Variants in DLGAP2 observed in about 807,000 individuals in gnomAD.
DLGAP2 encodes the protein disks large-associated protein 2.
In DLGAP2, 26 loss-of-function variants were observed where a neutral mutation model predicts 100.3. The ratio of observed to expected loss-of-function variants is 0.26; its 90% CI spans 0.19 to 0.36. The LOEUF is 0.36. Ranked by LOEUF, DLGAP2 falls within the 10% of genes least tolerant of loss-of-function variation. The probability of loss-of-function intolerance (pLI) is 1.00; values close to 1 mark genes in which losing one functional copy is unlikely to be tolerated. For synonymous variants in DLGAP2, 886 were observed against 630.1 expected (o/e 1.41, Z -6.08); for missense variants, 1,858 against 1,453.2 (o/e 1.28, Z -4.53).
chr8:1,086,636 G>C (rs1255341644), intron 2 of DLGAP2, among the ~76,000 whole-genome samples: 2 of 152,102 alleles, frequency 1.3e-5, no homozygotes, highest in African/African-American at 2.4e-5. Context: ...TAGACTTAAA[G>C]TCAAAAGCTG....
chr8:1,432,274 G>C (rs544006271), intron 3 of DLGAP2, among the ~76,000 whole-genome samples: 1 of 152,202 alleles, frequency 6.6e-6, no homozygotes, highest in Non-Finnish European at 1.5e-5. Context: ...GATTGGCTTT[G>C]CTTCCTCTAC....
chr8:1,410,529 G>A (rs1338121216), intron 3 of DLGAP2, among the ~76,000 whole-genome samples: 1 of 152,232 alleles, frequency 6.6e-6, no homozygotes, highest in Non-Finnish European at 1.5e-5. Flanking sequence ...CCATCTGCAG[G>A]CTACTGCATT....
At chr8:1,197,108 C>G (rs1218254265) in intron 2 of DLGAP2, among the ~76,000 whole-genome samples, 2 of 152,122 alleles carry the variant, frequency 1.3e-5, no homozygotes, top group Admixed American at 6.5e-5. Flanking sequence ...TTCCTGGGCC[C>G]TCAGTGGATT....
intron 5 of DLGAP2, among the ~76,000 whole-genome samples, chr8:1,554,490 C>T (rs998669175): frequency 1.3e-5 from 2 of 152,080 alleles, no homozygotes; most frequent in African/African-American, 4.8e-5. Context: ...GGTGACCCCT[C>T]CCTGCTGGTT....
intron 2 of DLGAP2, among the ~76,000 whole-genome samples, chr8:1,252,947 T>C (rs539926096): frequency 1.3e-5 from 2 of 152,294 alleles, no homozygotes; most frequent in African/African-American, 4.8e-5. Flanking sequence ...AGGCAACAAA[T>C]TAGTGCAATT....
chr8:889,724 G>A (rs933591321), intron 1 of DLGAP2, among the ~76,000 whole-genome samples: 14 of 152,218 alleles, frequency 9.2e-5, no homozygotes, highest in African/African-American at 3.4e-4. Context: ...CCCAGTGCTG[G>A]CTGCTGCCCC....
At chr8:1,456,391 CTA>C (rs1798313009) in intron 3 of DLGAP2, among the ~76,000 whole-genome samples, 2 of 152,166 alleles carry the variant, frequency 1.3e-5, no homozygotes, top group Admixed American at 6.5e-5. Flanking sequence ...TGCCGTGTAT[CTA>C]AACATCAAAG....
chr8:1,521,967 A>T (rs1445513867), intron 4 of DLGAP2, among the ~76,000 whole-genome samples: 1 of 138,544 alleles, frequency 7.2e-6, no homozygotes, highest in Non-Finnish European at 1.5e-5. Flanking sequence ...GGCAGCTGAT[A>T]TGGGGCGTCT....
At chr8:1,175,360 TAA>T (rs1401586682) in intron 2 of DLGAP2, among the ~76,000 whole-genome samples, 2 of 152,196 alleles carry the variant, frequency 1.3e-5, no homozygotes, top group East Asian at 3.9e-4. Flanking sequence ...ACATCTAATC[TAA>T]AAGAGTCCAG....
chr8:924,176 A>G (rs1404989203), intron 2 of DLGAP2, among the ~76,000 whole-genome samples: 1 of 152,342 alleles, frequency 6.6e-6, no homozygotes, highest in African/African-American at 2.4e-5. Context: ...TGGGAGCAAC[A>G]CCAGCTACGT....
intron 2 of DLGAP2, among the ~76,000 whole-genome samples, chr8:1,171,508 G>A (rs1761779344): frequency 2.0e-5 from 3 of 151,792 alleles, no homozygotes; most frequent in Admixed American, 6.6e-5. Flanking sequence ...TTATTAATGT[G>A]TGGGAGTCTA....
chr8:1,254,154 CA>C (rs1298830983), intron 2 of DLGAP2, among the ~76,000 whole-genome samples: 1 of 152,174 alleles, frequency 6.6e-6, no homozygotes, highest in Non-Finnish European at 1.5e-5. Context: ...GAGGGCTGGT[CA>C]CAGATCCCAC....
At chr8:1,155,058 G>T (rs943444779) in intron 2 of DLGAP2, among the ~76,000 whole-genome samples, 6 of 152,174 alleles carry the variant, frequency 3.9e-5, no homozygotes, top group Non-Finnish European at 8.8e-5. Flanking sequence ...CTGGGCACCA[G>T]CACCTCTCAC....
At chr8:1,287,697 G>A (rs1799971256) in intron 3 of DLGAP2, among the ~76,000 whole-genome samples, 1 of 20,880 alleles carries the variant, frequency 4.8e-5, no homozygotes, top group Non-Finnish European at 8.6e-5. Context: ...TCGGTTCAGT[G>A]TGTGTGTGTG....
intron 12 of DLGAP2, among the ~76,000 whole-genome samples, chr8:1,681,420 C>T (rs1247178738): frequency 1.3e-5 from 2 of 152,116 alleles, no homozygotes; most frequent in African/African-American, 4.8e-5. Flanking sequence ...ACTGCTTGTG[C>T]CCAGGAGTTT....
At chr8:1,387,033 T>C (rs1170245843) in intron 3 of DLGAP2, among the ~76,000 whole-genome samples, 4 of 152,200 alleles carry the variant, frequency 2.6e-5, no homozygotes, top group African/African-American at 9.7e-5. Flanking sequence ...TTGGACGTCA[T>C]ATTGGTAAGC....
chr8:1,287,258 A>G (rs115268528), intron 3 of DLGAP2, among the ~76,000 whole-genome samples: 35 of 81,628 alleles, frequency 4.3e-4, no homozygotes, highest in East Asian at 2.6e-3. Context: ...AACTAGTTTT[A>G]GTTCAGCGTG....
chr8:1,565,428 C>G (rs1802357607), intron 5 of DLGAP2: 2 of 392,896 alleles, frequency 5.1e-6, no homozygotes, highest in East Asian at 3.9e-5. Flanking sequence ...GCAAGTGTCC[C>G]TTCTTCTCTT....
At chr8:1,299,719 A>G (rs1168031538) in intron 3 of DLGAP2, among the ~76,000 whole-genome samples, 11 of 152,322 alleles carry the variant, frequency 7.2e-5, no homozygotes, top group Non-Finnish European at 1.0e-4. Flanking sequence ...TCCTCAGAAT[A>G]AAACCAAATG....
Sources: gnomAD v4.1 joint callset for allele counts (sites outside exome capture counted in the v4.1 genomes callset) on GRCh38, gnomAD v4.1.1 for gene constraint, MANE v1.5 for transcripts, NCBI Gene and HGNC (gene_info 2026-07-23, HGNC 2026-07-21) for gene names.